GTF2I: variants seen among roughly 807,000 people sequenced by gnomAD.
GTF2I encodes the protein general transcription factor II-I.
In GTF2I, 12 loss-of-function variants were observed where a neutral mutation model predicts 67.6. That is an observed-to-expected ratio of 0.18 (90% CI 0.11 to 0.29). GTF2I has a LOEUF of 0.29. GTF2I is among the 10% of genes least tolerant of loss of function. The pLI is 1.00. For missense variants in GTF2I, 271 were observed against 580.1 expected (o/e 0.47, Z 5.47); for synonymous variants, 149 against 197.0 (o/e 0.76, Z 2.04).
intron 1 of GTF2I, among the ~76,000 whole-genome samples, chr7:74,675,700 T>C (rs992837564): frequency 3.9e-5 from 6 of 151,944 alleles, no homozygotes; most frequent in African/African-American, 1.5e-4. Flanking sequence ...AATTTTACAG[T>C]GTATAGTGTG....
chr7:74,717,113 G>A, intron 11 of GTF2I, 163 bp downstream of exon 11: 2 of 901,874 alleles, frequency 2.2e-6, no homozygotes, highest in Non-Finnish European at 1.6e-6. Flanking sequence ...ATTCTAAGAT[G>A]TAATATACTT....
intron 1 of GTF2I, among the ~76,000 whole-genome samples, chr7:74,680,547 C>T (rs142732838): frequency 6.6e-6 from 1 of 152,048 alleles, no homozygotes; most frequent in Non-Finnish European, 1.5e-5. Context: ...TCGAGACCAG[C>T]CTGCGCAACA....
At chr7:74,662,203 T>A (rs1428359492) in intron 1 of GTF2I, among the ~76,000 whole-genome samples, 2 of 108,472 alleles carry the variant, frequency 1.8e-5, no homozygotes, top group African/African-American at 6.8e-5. Flanking sequence ...GTTTTTTCTT[T>A]CTTTTTTTTT....
chr7:74,710,117 G>A (rs1171627375), intron 8 of GTF2I, among the ~76,000 whole-genome samples: 1 of 152,144 alleles, frequency 6.6e-6, no homozygotes, highest in Non-Finnish European at 1.5e-5. Context: ...TGAAGGCAAT[G>A]GAGTAACTCC....
intron 6 of GTF2I, 46 bp downstream of exon 6, chr7:74,700,680 T>A: frequency 1.3e-6 from 2 of 1,570,112 alleles, no homozygotes; most frequent in South Asian, 2.2e-5. Context: ...GCCTCCGTTT[T>A]GCTAGATTTT....
At chr7:74,704,288 A>ATTTATTTATTTATTTT (rs1308681847) in intron 6 of GTF2I, among the ~76,000 whole-genome samples, 56 of 149,658 alleles carry the variant, frequency 3.7e-4, no homozygotes, top group African/African-American at 1.3e-3. Context: ...TTATTTATTT[A>ATTTATTTATTTATTTT]TTTATTTTTT....
intron 6 of GTF2I, among the ~76,000 whole-genome samples, 177 bp from the exon 7 acceptor site, chr7:74,704,987 G>A (rs1363872474): frequency 6.6e-6 from 1 of 151,192 alleles, no homozygotes; most frequent in Admixed American, 6.6e-5. Flanking sequence ...GAAAATAAGA[G>A]CTTTTTCATT....
chr7:74,689,161 T>G lies in GTF2I; in HGVS notation c.33T>G (p.Val11=). The change falls in exon 2 of 35, where the codon GTT becomes GTG. Residue 11 remains valine (V), a synonymous_variant. Transcript: ENST00000573035. ...AAGTTGCAATGTCCACCCTCCCCGT[T>G]GAAGATGAGGAGTCCTCGGAGAGCA... The part of the protein sequence containing the change: MAQVAMSTLP[V]EDEESSESRM... 2 of 1,612,740 alleles carry G rather than the reference T, an allele frequency of 1.2e-6. No individual in the cohort carries two copies. The highest frequency in any genetic ancestry group is 4.5e-5 in the East Asian group (2 of 44,848).
At chr7:74,662,022 G>A (rs587671814) in intron 1 of GTF2I, among the ~76,000 whole-genome samples, 1 of 152,130 alleles carries the variant, frequency 6.6e-6, no homozygotes, top group South Asian at 2.1e-4. Context: ...TTTGGCCCTT[G>A]GAGGTAGGGG....
At chr7:74,693,191 G>T (rs587623390) in intron 3 of GTF2I, among the ~76,000 whole-genome samples, 10 of 147,430 alleles carry the variant, frequency 6.8e-5, no homozygotes, top group African/African-American at 2.0e-4. Context: ...TTGGTTCTCT[G>T]TGTTGCATTT....
intron 1 of GTF2I, among the ~76,000 whole-genome samples, chr7:74,683,327 A>ATAT: frequency 6.6e-6 from 1 of 152,344 alleles, no homozygotes; most frequent in East Asian, 1.9e-4. Context: ...GGAAGCCAAA[A>ATAT]TATAATGACA....
chr7:74,668,696 C>T (rs1485893858), intron 1 of GTF2I, among the ~76,000 whole-genome samples: 1 of 151,838 alleles, frequency 6.6e-6, no homozygotes, highest in East Asian at 1.9e-4. Flanking sequence ...GCCTCAGCCA[C>T]CTGAGTAGCT....
intron 1 of GTF2I, among the ~76,000 whole-genome samples, chr7:74,678,754 A>G (rs1786927451): frequency 6.6e-6 from 1 of 152,058 alleles, no homozygotes; most frequent in Admixed American, 6.6e-5. Context: ...CACCTAGATA[A>G]TCGGTCTGTA....
intron 9 of GTF2I, 49 bp from the exon 10 acceptor site, chr7:74,714,808 T>A: frequency 7.5e-7 from 1 of 1,339,300 alleles, no homozygotes. Context: ...CACCCCACAT[T>A]TTTTTTTGGG....
rs587708702 is a variant in GTF2I at position 74,663,860 on chromosome 7, G to A, written c.-6+5792G>A. ...TTATTTATTTTTGAGACAGAGTCTC[G>A]CTTTTGTCACCCAGGCTGGAGTGCA... On this transcript the variant is annotated intron_variant, in intron 1 of 34. Transcript: ENST00000573035. Among the ~76,000 whole-genome samples, 5 of 151,808 alleles carry A rather than the reference G, an allele frequency of 3.3e-5. No individual in the cohort carries two copies. In the East Asian group the frequency reaches 5.8e-4, roughly 18 times the overall value.
chr7:74,705,846 G>A (rs1194586395), intron 7 of GTF2I, among the ~76,000 whole-genome samples: 8 of 151,852 alleles, frequency 5.3e-5, no homozygotes, highest in African/African-American at 1.9e-4. Flanking sequence ...TTACAGGCAT[G>A]AGCCACCACG....
intron 1 of GTF2I, among the ~76,000 whole-genome samples, chr7:74,665,722 T>G (rs1163989139): frequency 1.1e-4 from 17 of 152,218 alleles, no homozygotes; most frequent in Admixed American, 2.0e-4. Context: ...AGCGAAAATT[T>G]TACTAGTAAT....
At chr7:74,696,687 G>A (rs190383847) in intron 3 of GTF2I, among the ~76,000 whole-genome samples, 4 of 151,892 alleles carry the variant, frequency 2.6e-5, no homozygotes, top group Admixed American at 6.6e-5. Flanking sequence ...TAGAGGTGGG[G>A]TTTCACCATG....
At chr7:74,692,490 C>T (rs1398679601) in intron 3 of GTF2I, among the ~76,000 whole-genome samples, 3 of 152,206 alleles carry the variant, frequency 2.0e-5, no homozygotes, top group African/African-American at 7.2e-5. Context: ...ATACGAGTCA[C>T]CTTATCACAG....
Sources: allele counts gnomAD v4.1 joint callset (sites outside exome capture counted in the v4.1 genomes callset), GRCh38; gene constraint gnomAD v4.1.1; transcripts MANE v1.5; gene names NCBI Gene and HGNC (gene_info 2026-07-23, HGNC 2026-07-21).